Variants in CD48 observed in about 807,000 individuals in gnomAD.
CD48 encodes the protein CD48 antigen.
A neutral mutation model predicts 22.0 loss-of-function variants in CD48; 20 were observed. The ratio of observed to expected loss-of-function variants is 0.91; its 90% confidence interval spans 0.64 to 1.32. CD48 has a LOEUF of 1.32. CD48 is among the 40% of genes most tolerant of loss of function. CD48 has a pLI of 0.00. For missense variants in CD48, 307 were observed against 286.5 expected (o/e 1.07, Z -0.52); for synonymous variants, 110 against 110.1 (o/e 1.00, Z 0.01).
chr1:160,691,812 T>C (rs957434307), intron 1 of CD48: 11 of 368,598 alleles, frequency 3.0e-5, no homozygotes, highest in Non-Finnish European at 5.3e-5. Flanking sequence ...GCGTGGTCAT[T>C]GAGGACAAGT....
intron 1 of CD48, among the ~76,000 whole-genome samples, chr1:160,700,241 C>G (rs1164122098): frequency 6.6e-6 from 1 of 152,104 alleles, no homozygotes; most frequent in South Asian, 2.1e-4. Flanking sequence ...TTTATAAAAT[C>G]AAATAATTTG....
intron 1 of CD48, among the ~76,000 whole-genome samples, chr1:160,698,638 G>A (rs943400846): frequency 3.3e-5 from 5 of 152,082 alleles, no homozygotes; most frequent in Non-Finnish European, 1.5e-5. Flanking sequence ...ATCATTTCCA[G>A]TTACAGTGTG....
chr1:160,688,714 T>A (rs918863306), intron 1 of CD48, among the ~76,000 whole-genome samples: 2 of 152,144 alleles, frequency 1.3e-5, no homozygotes, highest in African/African-American at 2.4e-5. Context: ...GGGCTCAGAA[T>A]GGGGAGTATC....
At chr1:160,708,150 T>A (rs986198799) in intron 1 of CD48, among the ~76,000 whole-genome samples, 16 of 152,284 alleles carry the variant, frequency 1.1e-4, no homozygotes, top group African/African-American at 3.8e-4. Context: ...AGATGACGAC[T>A]GGGGGTAGTG....
chr1:160,682,283 T>TA (rs56031713), intron 2 of CD48, among the ~76,000 whole-genome samples: 28,421 of 138,530 alleles, frequency 0.21, 2,877 homozygotes, highest in Admixed American at 0.26. Context: ...ACTCAGTTTC[T>TA]AAAAAAAAAA....
intron 1 of CD48, among the ~76,000 whole-genome samples, chr1:160,690,328 G>A (rs886514667): frequency 6.6e-6 from 1 of 152,196 alleles, no homozygotes; most frequent in South Asian, 2.1e-4. Context: ...ACTGAGACAT[G>A]CACATATGAC....
At chr1:160,706,473 G>A (rs1349814409) in intron 1 of CD48, among the ~76,000 whole-genome samples, 1 of 152,014 alleles carries the variant, frequency 6.6e-6, no homozygotes, top group Non-Finnish European at 1.5e-5. Context: ...TTCCAAAAAG[G>A]CTGTCCTGAT....
intron 1 of CD48, among the ~76,000 whole-genome samples, chr1:160,691,326 G>A (rs527588364): frequency 6.6e-6 from 1 of 152,320 alleles, no homozygotes; most frequent in African/African-American, 2.4e-5. Context: ...TATAAAACCC[G>A]ATTGTACGTT....
intron 3 of CD48, 110 bp downstream of exon 3, chr1:160,681,092 G>T (rs971604907): frequency 6.4e-7 from 1 of 1,571,844 alleles, no homozygotes; most frequent in African/African-American, 1.4e-5. Context: ...ACACCTTAGG[G>T]ATTCACCACC....
At chr1:160,700,206 T>C (rs1245063839) in intron 1 of CD48, among the ~76,000 whole-genome samples, 1 of 152,156 alleles carries the variant, frequency 6.6e-6, no homozygotes, top group East Asian at 1.9e-4. Context: ...TTTTGGTTAA[T>C]CGAGGAACCA....
rs971003443 is a variant in CD48, at chr1:160,690,772, C to T, written c.83-5583G>A. ...TTTTTAGTGGCATGTACAACATAAG[C>T]GGAATCTGAGACTGTGGGGAAAAGC... On this transcript the variant is annotated intron_variant, in intron 1 of 3. Coordinates refer to ENST00000368046, the MANE Select transcript of CD48 (RefSeq NM_001778.4). Among the ~76,000 whole-genome samples the T allele has an allele frequency of 1.1e-4, 16 of 152,166 alleles. No homozygotes were observed. In the East Asian group the frequency reaches 1.2e-3, roughly 11 times the overall value.
At chr1:160,691,713 G>A (rs1049857655) in intron 1 of CD48, 12 of 320,694 alleles carry the variant, frequency 3.7e-5, no homozygotes, top group East Asian at 2.7e-4. Context: ...TGCACCTTAC[G>A]AGAAACACCC....
intron 3 of CD48, 127 bp downstream of exon 3, chr1:160,681,075 C>G (rs774098485): frequency 6.5e-7 from 1 of 1,540,330 alleles, no homozygotes; most frequent in Non-Finnish European, 8.8e-7. Context: ...TCTCCCAGCT[C>G]TCCCAGACAC....
At chr1:160,687,104 C>T (rs540613710) in intron 1 of CD48, among the ~76,000 whole-genome samples, 3 of 152,218 alleles carry the variant, frequency 2.0e-5, no homozygotes, top group South Asian at 4.2e-4. Flanking sequence ...CCTCCAGGCG[C>T]GTATTCTCTT....
chr1:160,682,691 G>C (rs1392712523), intron 2 of CD48, among the ~76,000 whole-genome samples: 2 of 152,122 alleles, frequency 1.3e-5, no homozygotes, highest in African/African-American at 4.8e-5. Flanking sequence ...ATCGCGCAAT[G>C]TTAGTAAGAT....
intron 1 of CD48, among the ~76,000 whole-genome samples, chr1:160,706,002 A>G (rs1265106985): frequency 1.3e-5 from 2 of 152,186 alleles, no homozygotes; most frequent in Non-Finnish European, 2.9e-5. Flanking sequence ...GATGTCTCAG[A>G]CTTACACTCA....
intron 1 of CD48, chr1:160,691,799 C>T (rs1031246135): frequency 4.1e-5 from 14 of 337,912 alleles, no homozygotes; most frequent in African/African-American, 2.6e-4. Context: ...AAGGTACACT[C>T]GAGCGTGGTC....
intron 1 of CD48, 43 bp downstream of exon 1, chr1:160,711,639 G>A: frequency 7.0e-7 from 1 of 1,421,458 alleles, no homozygotes; most frequent in East Asian, 2.3e-5. Context: ...AACTGACCAT[G>A]CCTTCAGTGC....
chr1:160,704,731 T>TA (rs1662741154), intron 1 of CD48, among the ~76,000 whole-genome samples: 1 of 152,230 alleles, frequency 6.6e-6, no homozygotes, highest in African/African-American at 2.4e-5. Flanking sequence ...TCTTTTTTTT[T>TA]ATTCTAATTG....
Sources: gnomAD v4.1 joint callset for allele counts (sites outside exome capture counted in the v4.1 genomes callset) on GRCh38, gnomAD v4.1.1 for gene constraint, MANE v1.5 for transcripts, NCBI Gene and HGNC (gene_info 2026-07-23, HGNC 2026-07-21) for gene names.